Variants in GRID1 observed in about 807,000 individuals in gnomAD.
GRID1 encodes the protein glutamate ionotropic receptor delta type subunit 1, also known as glutamate receptor ionotropic, delta-1.
A neutral mutation model predicts 98.0 loss-of-function variants in GRID1; 28 were observed. The ratio of observed to expected loss-of-function variants is 0.29; its 90% CI spans 0.21 to 0.39. The LOEUF is 0.39. Ranked by LOEUF, GRID1 falls within the 10% of genes least tolerant of loss-of-function variation. The pLI is 1.00. For missense variants in GRID1, 1,111 were observed against 1,340.5 expected (o/e 0.83, Z 2.67); for synonymous variants, 553 against 538.5 (o/e 1.03, Z -0.37).
intron 2 of GRID1, among the ~76,000 whole-genome samples, chr10:86,229,041 T>C (rs1846405107): frequency 6.6e-6 from 1 of 151,948 alleles, no homozygotes. Context: ...TGGTCCAGAG[T>C]GGGGCTCCGT....
At chr10:85,793,633 T>C (rs909242946) in intron 8 of GRID1, among the ~76,000 whole-genome samples, 1 of 152,166 alleles carries the variant, frequency 6.6e-6, no homozygotes, top group African/African-American at 2.4e-5. Flanking sequence ...GCATCTCTGC[T>C]ACGCTCACTG....
At chr10:86,216,462 T>C (rs1468640983) in intron 2 of GRID1, among the ~76,000 whole-genome samples, 1 of 152,244 alleles carries the variant, frequency 6.6e-6, no homozygotes, top group Non-Finnish European at 1.5e-5. Flanking sequence ...AATTCTGTCT[T>C]GTCCAAGACT....
Position 86,195,004 on chromosome 10 carries a change from A to T in GRID1, c.520+11360T>A, listed in dbSNP as rs2132011075. On this transcript the variant is annotated intron_variant, in intron 3 of 15. Coordinates refer to ENST00000327946, the MANE Select transcript of GRID1 (RefSeq NM_017551.3). This position sits in a 1 kb window ranked among gnomAD's most constrained non-coding sequence, Gnocchi z 4.4. ...TGGTGGACATTTGTCCAACAGAACT[A>T]AACTGAATGGACACATGAAGCCTCA... Among the ~76,000 whole-genome samples, 1 of 152,204 alleles carries T rather than the reference A, an allele frequency of 6.6e-6. No homozygotes were observed. The highest frequency in any genetic ancestry group is 2.4e-5 in the African/African-American group (1 of 41,554).
chr10:86,194,151 A>G (rs1052415287), intron 3 of GRID1, among the ~76,000 whole-genome samples: 1 of 152,022 alleles, frequency 6.6e-6, no homozygotes, highest in East Asian at 1.9e-4. Flanking sequence ...CCTAATTTGA[A>G]AACAGAATCT....
intron 8 of GRID1, among the ~76,000 whole-genome samples, chr10:85,846,929 T>C (rs1394899389): frequency 2.0e-5 from 3 of 152,350 alleles, no homozygotes; most frequent in Middle Eastern, 3.4e-3. Flanking sequence ...TACAGTCAAA[T>C]TCTTTCCAGC....
At chr10:86,019,227 G>A (rs1307125795) in intron 4 of GRID1, among the ~76,000 whole-genome samples, 1 of 152,196 alleles carries the variant, frequency 6.6e-6, no homozygotes, top group Non-Finnish European at 1.5e-5. Context: ...AGGGCCTATG[G>A]ACCCCTGCAC....
At chr10:85,820,704 A>G (rs981333298) in intron 8 of GRID1, among the ~76,000 whole-genome samples, 13 of 152,226 alleles carry the variant, frequency 8.5e-5, no homozygotes, top group African/African-American at 2.9e-4. Flanking sequence ...CCACAACAAG[A>G]TACCACTATT....
intron 4 of GRID1, among the ~76,000 whole-genome samples, chr10:85,974,676 T>C (rs1426470470): frequency 6.6e-6 from 1 of 152,216 alleles, no homozygotes; most frequent in Non-Finnish European, 1.5e-5. Context: ...GTGACCCTCT[T>C]GACTTTCTGC....
intron 3 of GRID1, among the ~76,000 whole-genome samples, chr10:86,142,639 G>C (rs1845026487): frequency 6.6e-6 from 1 of 152,260 alleles, no homozygotes; most frequent in Non-Finnish European, 1.5e-5. Context: ...GCCACTGCAA[G>C]TCTTTAAAAT....
At chr10:86,002,002 C>T (rs1230624797) in intron 4 of GRID1, among the ~76,000 whole-genome samples, 1 of 152,162 alleles carries the variant, frequency 6.6e-6, no homozygotes, top group Non-Finnish European at 1.5e-5. Flanking sequence ...ACATGGCCAC[C>T]TCTCTCTGTG....
chr10:86,301,578 C>A (rs1285442053), intron 2 of GRID1, among the ~76,000 whole-genome samples: 5 of 152,178 alleles, frequency 3.3e-5, no homozygotes, highest in Non-Finnish European at 7.3e-5. Flanking sequence ...CCCTTGGCCA[C>A]AAGGAACTGT....
At chr10:86,228,423 A>G (rs1184594120) in intron 2 of GRID1, among the ~76,000 whole-genome samples, 5 of 152,070 alleles carry the variant, frequency 3.3e-5, no homozygotes, top group African/African-American at 1.2e-4. Flanking sequence ...AGGCACTTAG[A>G]AGGATTAAGC....
At chr10:86,128,198 G>A (rs935565996) in intron 4 of GRID1, among the ~76,000 whole-genome samples, 2 of 152,140 alleles carry the variant, frequency 1.3e-5, no homozygotes, top group African/African-American at 4.8e-5. Flanking sequence ...TGGGCAGAAT[G>A]GGTGTGGGAG....
At chr10:85,835,042 C>T (rs1298881837) in intron 8 of GRID1, among the ~76,000 whole-genome samples, 2 of 151,898 alleles carry the variant, frequency 1.3e-5, no homozygotes, top group East Asian at 3.8e-4. Flanking sequence ...GTAGGAGTGA[C>T]TATATTAATA....
At chr10:85,833,701 T>C (rs1279731585) in intron 8 of GRID1, among the ~76,000 whole-genome samples, 1 of 152,050 alleles carries the variant, frequency 6.6e-6, no homozygotes, top group African/African-American at 2.4e-5. Flanking sequence ...TTTAAATAAA[T>C]AATCATAAAA....
At chr10:85,785,955 C>T (rs1020053786) in intron 8 of GRID1, among the ~76,000 whole-genome samples, 1 of 151,528 alleles carries the variant, frequency 6.6e-6, no homozygotes, top group Admixed American at 6.6e-5. Context: ...CATACACACA[C>T]GTGTACATAC....
rs876942 is a variant in GRID1, at chr10:85,849,787, C to T, written c.1233+4709G>A. ...CTTAGCTGTGCAGACCCCAATTCCC[C>T]ACCTATTGCAACCAGCACATGTGCT... On this transcript the variant is annotated intron_variant, in intron 8 of 15. Transcript: ENST00000327946. 9.8e-3 allele frequency among the ~76,000 whole-genome samples: 1,499 copies of T among 152,256 alleles called. 25 individuals are homozygous for T. Among genetic ancestry groups the T allele is most frequent in the Admixed American group, 0.033 (512 of 15,296 alleles).
intron 8 of GRID1, among the ~76,000 whole-genome samples, chr10:85,798,865 C>T (rs566593220): frequency 6.6e-6 from 1 of 152,102 alleles, no homozygotes; most frequent in South Asian, 2.1e-4. Context: ...GATTTAATCT[C>T]ATTAGTCTAT....
chr10:86,259,719 A>G (rs1846983119), intron 2 of GRID1, among the ~76,000 whole-genome samples: 2 of 152,212 alleles, frequency 1.3e-5, no homozygotes, highest in South Asian at 4.1e-4. Context: ...TGGCAGGGGC[A>G]GGGAAGGAAA....
Sources: allele counts gnomAD v4.1 joint callset (sites outside exome capture counted in the v4.1 genomes callset), GRCh38; gene constraint gnomAD v4.1.1; non-coding constraint Gnocchi (gnomAD v3.1); transcripts MANE v1.5; gene names NCBI Gene and HGNC (gene_info 2026-07-23, HGNC 2026-07-21).